The following CDCA7L variants were observed in gnomAD, a reference collection of about 807,000 sequenced individuals.
The protein encoded by CDCA7L is cell division cycle-associated 7-like protein.
A neutral mutation model predicts 57.4 loss-of-function variants in CDCA7L; 44 were observed. The observed-to-expected ratio is 0.77, with a 90% CI of 0.60 to 0.98. The LOEUF (loss-of-function observed/expected upper bound fraction) is 0.98, where lower values mean the gene tolerates loss of function less well. Ranked by LOEUF, CDCA7L falls within the 50% of genes least tolerant of loss-of-function variation. The probability of loss-of-function intolerance (pLI) is 0.00; values close to 1 mark genes in which losing one functional copy is unlikely to be tolerated. For synonymous variants in CDCA7L, 236 were observed against 202.8 expected (o/e 1.16, Z -1.39); for missense variants, 644 against 580.6 (o/e 1.11, Z -1.12).
chr7:21,923,537 A>G (rs570943444), intron 1 of CDCA7L, among the ~76,000 whole-genome samples: 1 of 152,244 alleles, frequency 6.6e-6, no homozygotes, highest in Non-Finnish European at 1.5e-5. Context: ...GTAGAGGGGA[A>G]TTTTTCCTTC....
intron 2 of CDCA7L, among the ~76,000 whole-genome samples, chr7:21,912,179 C>G (rs1334316016): frequency 6.6e-6 from 1 of 151,896 alleles, no homozygotes; most frequent in East Asian, 1.9e-4. Flanking sequence ...GGAGGATTAC[C>G]CAACCCTGGG....
chr7:21,925,238 A>T (rs137935193), intron 1 of CDCA7L, among the ~76,000 whole-genome samples: 198 of 152,358 alleles, frequency 1.3e-3, no homozygotes, highest in African/African-American at 3.7e-3. Context: ...CTCACTAGGG[A>T]AAACAAAAGA....
At chr7:21,913,882 A>T (rs1250630543) in intron 2 of CDCA7L, among the ~76,000 whole-genome samples, 1 of 152,164 alleles carries the variant, frequency 6.6e-6, no homozygotes, top group Non-Finnish European at 1.5e-5. Context: ...CCTTACTCCA[A>T]AGTGTGTAAG....
intron 1 of CDCA7L, among the ~76,000 whole-genome samples, chr7:21,934,985 A>G (rs962623124): frequency 6.6e-6 from 1 of 152,184 alleles, no homozygotes; most frequent in African/African-American, 2.4e-5. Context: ...TCAACACCCC[A>G]CTTTCAACAG....
chr7:21,911,727 A>G lies in CDCA7L; in HGVS notation c.193T>C (p.Phe65Leu). 1 of 1,613,382 alleles carries G rather than the reference A, an allele frequency of 6.2e-7. No homozygotes were observed. The highest frequency in any genetic ancestry group is 8.5e-7 in the Non-Finnish European group (1 of 1,179,866). Residue 65 changes from phenylalanine (F) to leucine (L), a missense_variant, in exon 3 of 10, where the codon TTC becomes CTC. Coordinates refer to ENST00000406877, the MANE Select transcript of CDCA7L (RefSeq NM_018719.5). ...QQDVRFHSKY[F>L]TEELRRIFIE... ...AAAATTCTTCTTAGCTCTTCTGTGA[A>G]GTATTTGGAATGAAAGCGCACATCC...
intron 1 of CDCA7L, among the ~76,000 whole-genome samples, chr7:21,919,886 T>C (rs901777862): frequency 2.6e-5 from 4 of 152,208 alleles, no homozygotes; most frequent in Non-Finnish European, 4.4e-5. Flanking sequence ...CAGGATCTTT[T>C]CCTTCAGCTA....
At chr7:21,906,877 A>G (rs1040311563) in intron 4 of CDCA7L, among the ~76,000 whole-genome samples, 2 of 152,200 alleles carry the variant, frequency 1.3e-5, no homozygotes, top group African/African-American at 2.4e-5. Flanking sequence ...TATAAGGACA[A>G]CACAACACTA....
In CDCA7L at chr7:21,902,636, C is replaced by G. The variant is rs955659453; in HGVS notation, c.1335-284G>C. ...TCTGTCCTCTTGCCCTGAACTCTCT[C>G]TCTGCACTAGGATTATGGCTGCCTC... On this transcript the variant is annotated intron_variant, in intron 9 of 9. Coordinates refer to ENST00000406877, the MANE Select transcript of CDCA7L (RefSeq NM_018719.5). 1.5e-4 allele frequency: 81 copies of G among 528,586 alleles called. 1 individual carries two copies. The Middle Eastern group carries it at 3.5e-3, about 23-fold the overall frequency. 32.7% of individuals were successfully genotyped at this position (528,586 alleles called of 1,614,324 possible). A position where few individuals can be genotyped will look rare whatever the true frequency, so the allele number is the denominator to read the frequency against.
chr7:21,901,023 C>G lies in CDCA7L; in HGVS notation c.*1299G>C. The G allele has an allele frequency of 6.2e-7, 1 of 1,605,738 alleles. No individual in the cohort carries two copies. Among genetic ancestry groups the G allele is most frequent in the Non-Finnish European group, 8.5e-7 (1 of 1,175,760 alleles). On this transcript the variant is annotated 3_prime_UTR_variant, in exon 10 of 10. Transcript: ENST00000406877. Reference sequence around the variant, plus strand: ...TTGCCATAGGCGCCCGCTGGGACACCCAAGCAGGAACCATTGTTGAAGCCC... The same window carrying G: ...TTGCCATAGGCGCCCGCTGGGACACGCAAGCAGGAACCATTGTTGAAGCCC...
intron 1 of CDCA7L, among the ~76,000 whole-genome samples, chr7:21,929,011 C>G (rs1418182910): frequency 6.6e-6 from 1 of 152,080 alleles, no homozygotes; most frequent in African/African-American, 2.4e-5. Flanking sequence ...TCATCAGATT[C>G]AGCAAGATTG....
chr7:21,902,422 T>C, intron 9 of CDCA7L, 70 bp from the exon 10 acceptor site: 1 of 1,432,412 alleles, frequency 7.0e-7, no homozygotes, highest in Non-Finnish European at 9.9e-7. Context: ...GCTTGAGAGA[T>C]TCCACAATCA....
Position 21,901,361 on chromosome 7 carries a change from C to A in CDCA7L, c.*961G>T, listed in dbSNP as rs1029807266. ...TATTCTAACTTTTTAGTAACTCACACGTGCATTCTTTTTTCAACGCTATCC... is the reference window on the plus strand; with the variant it reads ...TATTCTAACTTTTTAGTAACTCACAAGTGCATTCTTTTTTCAACGCTATCC... On this transcript the variant is annotated 3_prime_UTR_variant, in exon 10 of 10. Coordinates refer to ENST00000406877, the MANE Select transcript of CDCA7L (RefSeq NM_018719.5). 1.9e-5 allele frequency: 26 copies of A among 1,359,224 alleles called. No individual in the cohort carries two copies. The highest frequency in any genetic ancestry group is 2.2e-5 in the Non-Finnish European group (23 of 1,043,212). 84.2% of individuals were successfully genotyped at this position (1,359,224 alleles called of 1,614,324 possible).
chr7:21,927,477 A>C (rs1318882621), intron 1 of CDCA7L, among the ~76,000 whole-genome samples: 2 of 151,798 alleles, frequency 1.3e-5, no homozygotes, highest in African/African-American at 4.9e-5. Context: ...AGGAGAAAAA[A>C]ATTAGAGGAG....
chr7:21,917,562 A>G (rs1450101384), intron 1 of CDCA7L, among the ~76,000 whole-genome samples: 1 of 152,210 alleles, frequency 6.6e-6, no homozygotes, highest in Admixed American at 6.5e-5. Flanking sequence ...TTGTTTTAAA[A>G]AAGTTCAAAC....
intron 4 of CDCA7L, among the ~76,000 whole-genome samples, 185 bp from the exon 5 acceptor site, chr7:21,906,824 G>C (rs900125915): frequency 6.6e-6 from 1 of 152,110 alleles, no homozygotes; most frequent in Non-Finnish European, 1.5e-5. Flanking sequence ...CTGAGATGCT[G>C]ATGTCATCAT....
intron 1 of CDCA7L, among the ~76,000 whole-genome samples, chr7:21,941,051 A>G (rs1361810181): frequency 1.3e-5 from 2 of 152,166 alleles, no homozygotes; most frequent in African/African-American, 4.8e-5. Context: ...TGCCCTAGGA[A>G]AACAATGTGT....
At chr7:21,913,910 G>T (rs373457319) in intron 2 of CDCA7L, among the ~76,000 whole-genome samples, 2 of 152,310 alleles carry the variant, frequency 1.3e-5, no homozygotes, top group East Asian at 3.9e-4. Flanking sequence ...TTCCATGTGG[G>T]TCTGTATGAT....
In CDCA7L at chr7:21,945,875, C is replaced by A. The variant is rs549158049; in HGVS notation, c.-71G>T. The A allele has an allele frequency of 6.0e-6, 9 of 1,510,674 alleles. No homozygotes were observed. The highest frequency in any genetic ancestry group is 5.2e-5 in the East Asian group (2 of 38,332). The allele number at this position is 1,510,674 out of a possible 1,614,324, so 93.6% of individuals were successfully genotyped here. A position where few individuals can be genotyped will look rare whatever the true frequency, so the allele number is the denominator to read the frequency against. On this transcript the variant is annotated 5_prime_UTR_variant, in exon 1 of 10. Coordinates refer to ENST00000406877, the MANE Select transcript of CDCA7L (RefSeq NM_018719.5). ...AGCCCGGACTCACCACGGCCCGGCG[C>A]ACCAAGAACGCCCCGCGCCCGAGCA... is the stretch of plus-strand genomic sequence containing the variant.
rs540007231 is a variant in CDCA7L at position 21,902,870 on chromosome 7, ATAAG to A, written c.1334+104_1334+107del. On this transcript the variant is annotated intron_variant, in intron 9 of 9. Transcript: ENST00000406877. ...AGAATGGATGGTACTCGTGGTTTAT[ATAAG>A]TAAGTAAGTCACACGGGAAGGCAAC... 2.9e-3 allele frequency: 2,867 copies of A among 1,003,190 alleles called. 11 individuals carry two copies. Among genetic ancestry groups the A allele is most frequent in the Middle Eastern group, 9.1e-3 (28 of 3,076 alleles). The allele number at this position is 1,003,190 out of a possible 1,614,324, so 62.1% of individuals were successfully genotyped here.
Sources: gnomAD v4.1 joint callset for allele counts (sites outside exome capture counted in the v4.1 genomes callset) on GRCh38, gnomAD v4.1.1 for gene constraint, MANE v1.5 for transcripts, NCBI Gene and HGNC (gene_info 2026-07-23, HGNC 2026-07-21) for gene names.